Variants in UST observed in about 807,000 individuals in gnomAD.
UST encodes uronyl 2-sulfotransferase.
Under a neutral mutation model 45.6 loss-of-function variants are expected in UST, and 21 were observed. The ratio of observed to expected loss-of-function variants is 0.46; its 90% CI spans 0.33 to 0.66. The LOEUF (loss-of-function observed/expected upper bound fraction) is 0.66, where lower values mean the gene tolerates loss of function less well. Ranked by LOEUF, UST falls within the 30% of genes least tolerant of loss-of-function variation. The probability of loss-of-function intolerance (pLI) is 0.02; values close to 1 mark genes in which losing one functional copy is unlikely to be tolerated. For synonymous variants in UST, 215 were observed against 200.6 expected (o/e 1.07, Z -0.61); for missense variants, 463 against 512.4 (o/e 0.90, Z 0.93).
intron 1 of UST, among the ~76,000 whole-genome samples, chr6:148,869,114 C>T (rs1055368350): frequency 2.0e-5 from 3 of 152,192 alleles, no homozygotes; most frequent in African/African-American, 4.8e-5. Flanking sequence ...TCACATTCTT[C>T]CCCTGCATTC....
chr6:148,759,253 C>G (rs1283469360), intron 1 of UST, among the ~76,000 whole-genome samples: 1 of 152,090 alleles, frequency 6.6e-6, no homozygotes, highest in Non-Finnish European at 1.5e-5. Flanking sequence ...TAAAAAAGTC[C>G]CTGAGCTCAC....
At chr6:149,065,960 T>G (rs564604912) in intron 7 of UST, among the ~76,000 whole-genome samples, 1 of 152,142 alleles carries the variant, frequency 6.6e-6, no homozygotes, top group South Asian at 2.1e-4. Context: ...GATAGAGGGT[T>G]GGATGCTGCC....
intron 1 of UST, among the ~76,000 whole-genome samples, chr6:148,860,630 G>T (rs923942908): frequency 2.0e-4 from 30 of 152,150 alleles, no homozygotes; most frequent in Non-Finnish European, 4.4e-4. Flanking sequence ...CTGGCTGTGG[G>T]TTTGTCATAA....
intron 7 of UST, among the ~76,000 whole-genome samples, chr6:149,022,418 G>C (rs888838729): frequency 3.9e-5 from 6 of 151,948 alleles, no homozygotes; most frequent in African/African-American, 1.5e-4. Flanking sequence ...TGGCCAACAC[G>C]GAGAAACCCT....
intron 1 of UST, among the ~76,000 whole-genome samples, chr6:148,856,301 C>A (rs537715769): frequency 3.9e-5 from 6 of 152,284 alleles, no homozygotes; most frequent in African/African-American, 1.4e-4. Flanking sequence ...CAGGAGTGAG[C>A]CACTGTGGCC....
At chr6:148,843,958 T>C (rs1455716061) in intron 1 of UST, among the ~76,000 whole-genome samples, 1 of 152,244 alleles carries the variant, frequency 6.6e-6, no homozygotes, top group Non-Finnish European at 1.5e-5. Flanking sequence ...CTGCTTAATT[T>C]AGAAGGCTCA....
chr6:148,993,422 T>C (rs1427593409), intron 5 of UST, among the ~76,000 whole-genome samples: 1 of 151,790 alleles, frequency 6.6e-6, no homozygotes, highest in Non-Finnish European at 1.5e-5. Flanking sequence ...TTTTCTCTGT[T>C]TTTTAAACCA....
chr6:149,015,663 A>G (rs901532077), intron 5 of UST, among the ~76,000 whole-genome samples: 2 of 152,216 alleles, frequency 1.3e-5, no homozygotes, highest in South Asian at 2.1e-4. Context: ...TAGAAGCACT[A>G]CATGGAAGGA....
At position 149,075,492 on chromosome 6, in the gene UST, A is replaced by G. The variant is rs1268522678; in HGVS notation, c.*1376A>G. 6.6e-6 allele frequency: 1 copy of G among 152,188 alleles called. No homozygotes were observed. Among genetic ancestry groups the G allele is most frequent in the African/African-American group, 2.4e-5 (1 of 41,440 alleles). 9.4% of individuals were successfully genotyped at this position (152,188 alleles called of 1,614,324 possible). On this transcript the variant is annotated 3_prime_UTR_variant, in exon 8 of 8. Transcript: ENST00000367463. ...GACTGCTTGGCCAGCTTTGTAAGTA[A>G]GTGGCTGCCTCCAATGTGATGTGAG... is the stretch of plus-strand genomic sequence containing the variant.
chr6:148,766,530 G>T (rs2114666440), intron 1 of UST, among the ~76,000 whole-genome samples: 2 of 152,298 alleles, frequency 1.3e-5, no homozygotes, highest in Middle Eastern at 6.8e-3. Flanking sequence ...GTATTCATGG[G>T]GCTGTGTTGT....
At chr6:148,957,593 C>G (rs1780543257) in intron 4 of UST, among the ~76,000 whole-genome samples, 1 of 152,130 alleles carries the variant, frequency 6.6e-6, no homozygotes, top group East Asian at 1.9e-4. Flanking sequence ...ACCACCACAC[C>G]TGGCTAATTT....
At chr6:148,809,534 A>G (rs1181776048) in intron 1 of UST, among the ~76,000 whole-genome samples, 1 of 152,166 alleles carries the variant, frequency 6.6e-6, no homozygotes, top group African/African-American at 2.4e-5. Context: ...TTAGGGCAGG[A>G]GTGGTGGCAT....
chr6:148,891,655 A>T (rs1779020609), intron 2 of UST, among the ~76,000 whole-genome samples: 1 of 152,226 alleles, frequency 6.6e-6, no homozygotes, highest in African/African-American at 2.4e-5. Flanking sequence ...CCATTTCAAA[A>T]TTACTAATTT....
At chr6:149,056,643 A>C (rs1346258682) in intron 7 of UST, among the ~76,000 whole-genome samples, 1 of 152,164 alleles carries the variant, frequency 6.6e-6, no homozygotes, top group Non-Finnish European at 1.5e-5. Context: ...GCAGTTGCAA[A>C]TCTGATTTTT....
intron 5 of UST, among the ~76,000 whole-genome samples, chr6:148,976,086 A>G (rs1278387349): frequency 1.3e-5 from 2 of 152,252 alleles, no homozygotes; most frequent in African/African-American, 4.8e-5. Flanking sequence ...TCAGTAAAAA[A>G]AAGACTAATT....
intron 1 of UST, among the ~76,000 whole-genome samples, chr6:148,864,544 A>G (rs1253234272): frequency 6.6e-6 from 1 of 152,204 alleles, no homozygotes; most frequent in African/African-American, 2.4e-5. Flanking sequence ...CTGGTACCTC[A>G]GTTGGAAATG....
chr6:148,881,494 G>A (rs1778822057), intron 1 of UST, among the ~76,000 whole-genome samples: 1 of 152,160 alleles, frequency 6.6e-6, no homozygotes, highest in African/African-American at 2.4e-5. Flanking sequence ...GTCCTGCCTG[G>A]CACAGTGCTG....
chr6:148,861,826 C>T (rs1778319644), intron 1 of UST, among the ~76,000 whole-genome samples: 1 of 152,166 alleles, frequency 6.6e-6, no homozygotes, highest in Non-Finnish European at 1.5e-5. Flanking sequence ...GTTCCTTAAT[C>T]CTGAGTTCTA....
At chr6:148,791,921 T>A (rs1197332417) in intron 1 of UST, among the ~76,000 whole-genome samples, 2 of 152,188 alleles carry the variant, frequency 1.3e-5, no homozygotes, top group Non-Finnish European at 2.9e-5. Context: ...GGATGCTGTA[T>A]CTAAGCTTGC....
Sources: gnomAD v4.1 joint callset for allele counts (sites outside exome capture counted in the v4.1 genomes callset) on GRCh38, gnomAD v4.1.1 for gene constraint, MANE v1.5 for transcripts, NCBI Gene and HGNC (gene_info 2026-07-23, HGNC 2026-07-21) for gene names.